The following KIR2DL4 variants were observed in gnomAD, a reference collection of about 807,000 sequenced individuals.
KIR2DL4 encodes the protein killer cell immunoglobulin like receptor, two Ig domains and long cytoplasmic tail 4, also known as killer cell immunoglobulin-like receptor 2DL4.
KIR2DL4 carries 41 observed loss-of-function variants against 31.0 expected under a neutral mutation model. That is an observed-to-expected ratio of 1.32 (90% CI 1.03 to 1.72). The LOEUF is 1.72. Among genes scored for constraint, KIR2DL4 ranks in the 40% most tolerant of loss-of-function variants. KIR2DL4 has a pLI of 0.00. For missense variants in KIR2DL4, 438 were observed against 353.7 expected, an observed-to-expected ratio of 1.24 and a Z score of -1.91; for synonymous variants, 164 against 133.6, an observed-to-expected ratio of 1.23 and a Z score of -1.57.
rs866847607 is a variant in KIR2DL4 at position 54,804,890 on chromosome 19, C to A, written c.174C>A (p.Asn58Lys). 178 of 1,612,288 alleles carry A rather than the reference C, an allele frequency of 1.1e-4. 3 individuals are homozygous for A. The African/African-American group carries it at 2.2e-3, about 19-fold the overall frequency. Residue 58 changes from asparagine to lysine, a missense_variant, in exon 3 of 8, where the codon AAC (asparagine) becomes AAA (lysine). Physicochemically the swap from Asn to Lys is moderately conservative, Grantham distance 94 (BLOSUM62 0). Coordinates refer to ENST00000359085, the Ensembl canonical transcript of KIR2DL4. ...GGTGTCACTATCGTCGTGGGTTTAA[C>A]ATCTTCACGCTGTACAAGAAAGATG...
At chr19:54,811,275 G>A (rs1420155891) in intron 5 of KIR2DL4, among the ~76,000 whole-genome samples, 3 of 150,886 alleles carry the variant, frequency 2.0e-5, no homozygotes, top group Admixed American at 6.6e-5. Context: ...GCGCGTGCCT[G>A]TAATACCAGC....
chr19:54,806,302 C>T, intron 4 of KIR2DL4, 58 bp downstream of exon 4: 1 of 1,514,260 alleles, frequency 6.6e-7, no homozygotes, highest in Non-Finnish European at 9.0e-7. Flanking sequence ...AGCTGAGGAG[C>T]TTCCTGCTGA....
At chr19:54,813,709 A>G in exon 7 of KIR2DL4, 3 of 1,612,116 alleles carry the variant, frequency 1.9e-6, no homozygotes, top group Non-Finnish European at 2.5e-6. Flanking sequence ...TAATGAACCA[A>G]GAGCCTGCGG....
intron 4 of KIR2DL4, among the ~76,000 whole-genome samples, chr19:54,806,788 A>G (rs1337247317): frequency 6.6e-6 from 1 of 150,392 alleles, no homozygotes; most frequent in Non-Finnish European, 1.5e-5. Context: ...CAGGTGGATC[A>G]TTTAAAATCA....
rs533582948 is a variant in KIR2DL4, at chr19:54,808,837, C to A, written c.660C>A (p.Asn220Lys). The change falls in exon 5 of 8, where the codon AAC becomes AAA. Residue 220 changes from asparagine to lysine, a missense_variant. Physicochemically the swap from Asn to Lys is moderately conservative, Grantham distance 94. Transcript: ENST00000359085. ...CTCTCCTGTCCCGTGTTCTAGGAAA[C>A]CCTTCTAGTAGTTGGCCTTCACCCA... 4.0e-5 allele frequency: 63 copies of A among 1,588,196 alleles called. 2 individuals are homozygous for A. The South Asian group carries it at 5.6e-4, about 14-fold the overall frequency.
Position 54,805,056 on chromosome 19 carries a change from C to A in KIR2DL4, c.340C>A (p.Pro114Thr), listed in dbSNP as rs926684569. Reference sequence around the variant, plus strand: ...CACTGAGTGGTCGGCACCCAGCAACCCCCTGGTGATCATGGTCACAGGTCA... The same window carrying A: ...CACTGAGTGGTCGGCACCCAGCAACACCCTGGTGATCATGGTCACAGGTCA... Residue 114 changes from proline to threonine, a missense_variant, in exon 3 of 8, where the codon CCC (proline) becomes ACC (threonine). Physicochemically the swap from Pro to Thr is conservative, Grantham distance 38. Transcript: ENST00000359085. 7.7e-5 allele frequency: 124 copies of A among 1,607,472 alleles called. 2 individuals carry two copies. The African/African-American group carries it at 1.6e-3, about 20-fold the overall frequency.
chr19:54,807,186 C>T (rs374697369), intron 4 of KIR2DL4, among the ~76,000 whole-genome samples: 3,994 of 150,734 alleles, frequency 0.026, 111 homozygotes, highest in Middle Eastern at 0.065. Flanking sequence ...ATCCATGTGG[C>T]TGCAAATGAC....
At position 54,811,003 on chromosome 19, in the gene KIR2DL4, T is replaced by C. The variant is rs2147957167; in HGVS notation, c.706+2120T>C. On this transcript the variant is annotated intron_variant, in intron 5 of 7. Transcript: ENST00000359085. Reference sequence around the variant, plus strand: ...TCCTAATTGTTTAATCTTCACTTCATTGATTTCTTTCTGAGATTTATTTTT... The same window carrying C: ...TCCTAATTGTTTAATCTTCACTTCACTGATTTCTTTCTGAGATTTATTTTT... Among the ~76,000 whole-genome samples the C allele has an allele frequency of 2.0e-5, 3 of 151,536 alleles. 1 individual carries two copies. The South Asian group carries it at 6.3e-4, about 32-fold the overall frequency.
At chr19:54,814,031 T>A in exon 8 of KIR2DL4, 2 of 1,612,374 alleles carry the variant, frequency 1.2e-6, no homozygotes, top group Non-Finnish European at 1.7e-6. Context: ...CAGTCAGGCC[T>A]TGATGGGATC....
chr19:54,804,941 C>A (rs964216143), exon 3 of KIR2DL4: 1 of 1,612,220 alleles, frequency 6.2e-7, no homozygotes, highest in East Asian at 2.2e-5. Flanking sequence ...AGCTCTACAA[C>A]AGAATATTCT....
intron 5 of KIR2DL4, among the ~76,000 whole-genome samples, chr19:54,812,112 A>C (rs1267355739): frequency 6.6e-6 from 1 of 151,200 alleles, no homozygotes; most frequent in Non-Finnish European, 1.5e-5. Flanking sequence ...CTTCCCAGAG[A>C]AGACTCTAAA....
chr19:54,805,965 CCTT>C (rs1209544856), exon 4 of KIR2DL4: 1 of 1,606,808 alleles, frequency 6.2e-7, no homozygotes, highest in Non-Finnish European at 8.5e-7. Context: ...ATATGAGAAA[CCTT>C]CGCTTACAGC....
At chr19:54,810,267 T>C (rs2060780709) in intron 5 of KIR2DL4, among the ~76,000 whole-genome samples, 1 of 147,692 alleles carries the variant, frequency 6.8e-6, no homozygotes, top group Non-Finnish European at 1.5e-5. Context: ...TACACCCATG[T>C]CCCACCACGC....
chr19:54,812,762 T>C (rs2060937641), intron 5 of KIR2DL4, among the ~76,000 whole-genome samples: 1 of 145,806 alleles, frequency 6.9e-6, no homozygotes, highest in Non-Finnish European at 1.5e-5. Flanking sequence ...TCCAGGGTAC[T>C]AATAGAGGGA....
At chr19:54,811,126 C>T (rs1259582451) in intron 5 of KIR2DL4, among the ~76,000 whole-genome samples, 1 of 151,186 alleles carries the variant, frequency 6.6e-6, no homozygotes, top group African/African-American at 2.4e-5. Flanking sequence ...AGGTTCTGAA[C>T]GGTGGCTCAC....
intron 3 of KIR2DL4, 98 bp downstream of exon 3, chr19:54,805,175 A>G (rs996649576): frequency 4.0e-6 from 5 of 1,240,396 alleles, no homozygotes; most frequent in Non-Finnish European, 4.4e-6. Context: ...CCAGGCCCCA[A>G]CTATATTTGG....
chr19:54,808,989 G>C (rs1872285582), intron 5 of KIR2DL4, 106 bp downstream of exon 5: 1 of 899,266 alleles, frequency 1.1e-6, no homozygotes, highest in South Asian at 1.3e-5. Flanking sequence ...TTGTGGGCCT[G>C]TCTTCCATTG....
At chr19:54,808,996 A>G in intron 5 of KIR2DL4, 113 bp downstream of exon 5, 1 of 879,408 alleles carries the variant, frequency 1.1e-6, no homozygotes, top group Non-Finnish European at 1.9e-6. Context: ...CCTGTCTTCC[A>G]TTGTCTCTGA....
At chr19:54,804,709 G>A (rs2060391091) in intron 2 of KIR2DL4, 84 bp from the exon 3 acceptor site, 5 of 1,445,108 alleles carry the variant, frequency 3.5e-6, no homozygotes, top group Non-Finnish European at 4.7e-6. Context: ...TTAGAAAGAA[G>A]AAATGGGGAG....
Sources: allele counts gnomAD v4.1 joint callset (sites outside exome capture counted in the v4.1 genomes callset), GRCh38; gene constraint gnomAD v4.1.1; transcripts MANE v1.5; gene names NCBI Gene and HGNC (gene_info 2026-07-23, HGNC 2026-07-21).